Variants in DNAH5 observed in about 807,000 individuals in gnomAD.
DNAH5 encodes the protein dynein axonemal heavy chain 5, also known as axonemal beta dynein heavy chain 5.
DNAH5 carries 372 observed loss-of-function variants against 518.2 expected under a neutral mutation model. The ratio of observed to expected loss-of-function variants is 0.72; its 90% confidence interval spans 0.66 to 0.78. DNAH5 has a LOEUF of 0.78. Ranked by LOEUF, DNAH5 falls within the 30% of genes least tolerant of loss-of-function variation. The pLI is 0.00. For missense variants in DNAH5, 5,523 were observed against 5,687.0 expected, an observed-to-expected ratio of 0.97 and a Z score of 0.93; for synonymous variants, 2,039 against 2,025.9, an observed-to-expected ratio of 1.01 and a Z score of -0.17.
At chr5:13,887,244 T>A (rs1445894962) in intron 17 of DNAH5, among the ~76,000 whole-genome samples, 1 of 152,212 alleles carries the variant, frequency 6.6e-6, no homozygotes, top group Non-Finnish European at 1.5e-5. Context: ...TCCTTTGTAT[T>A]GAGGGTTCTA....
At chr5:13,743,287 T>C (rs944067979) in intron 65 of DNAH5, among the ~76,000 whole-genome samples, 1 of 152,028 alleles carries the variant, frequency 6.6e-6, no homozygotes, top group African/African-American at 2.4e-5. Flanking sequence ...AAAATTCTTA[T>C]ATAAACTGTG....
intron 16 of DNAH5, among the ~76,000 whole-genome samples, chr5:13,891,776 A>G (rs1580769609): frequency 6.6e-6 from 1 of 152,230 alleles, no homozygotes; most frequent in African/African-American, 2.4e-5. Flanking sequence ...CTTTCACTGT[A>G]AATATCATAG....
chr5:13,850,719 C>G lies in DNAH5; in HGVS notation c.5047G>C (p.Glu1683Gln). Residue 1683 changes from glutamate (E) to glutamine (Q), a missense_variant, in exon 31 of 79, where the codon GAG (glutamate) becomes CAG (glutamine). Physicochemically the swap from Glu to Gln is conservative, Grantham distance 29. This residue lies in a region of DNAH5 where 5,121 missense variants were observed against 5,223.3 expected (regional missense o/e 0.98). Coordinates refer to ENST00000265104, the MANE Select transcript of DNAH5 (RefSeq NM_001369.3). Reference sequence around the variant, plus strand: ...TGTGGTAACAGCTGCCCCAGGGTCTCATCTCCAACACAGCACTGGACTACA... The same window carrying G: ...TGTGGTAACAGCTGCCCCAGGGTCTGATCTCCAACACAGCACTGGACTACA... ...PSVVQCCVGD[E>Q]TLGQLLPHLL... 1 of 1,614,086 alleles carries G rather than the reference C, an allele frequency of 6.2e-7. No homozygotes were observed. Among genetic ancestry groups the G allele is most frequent in the Non-Finnish European group, 8.5e-7 (1 of 1,179,956 alleles).
chr5:13,726,770 G>T (rs1745798625), intron 70 of DNAH5, among the ~76,000 whole-genome samples: 1 of 152,318 alleles, frequency 6.6e-6, no homozygotes, highest in Non-Finnish European at 1.5e-5. Context: ...TCTGGAGAAT[G>T]AAGGAGAAAA....
intron 21 of DNAH5, among the ~76,000 whole-genome samples, chr5:13,879,657 C>T (rs966222382): frequency 6.0e-5 from 9 of 151,138 alleles, no homozygotes; most frequent in Non-Finnish European, 8.8e-5. Flanking sequence ...AATGATGTAA[C>T]TGAACACAAA....
intron 1 of DNAH5, among the ~76,000 whole-genome samples, chr5:13,999,849 C>T (rs182895): frequency 0.34 from 51,957 of 152,228 alleles, 9,788 homozygotes; most frequent in South Asian, 0.5. Context: ...ATCTTTCCAA[C>T]ACTTGCCCTT....
intron 1 of DNAH5, among the ~76,000 whole-genome samples, chr5:13,991,594 A>T (rs1783554812): frequency 6.9e-6 from 1 of 144,894 alleles, no homozygotes; most frequent in African/African-American, 2.6e-5. Flanking sequence ...GAGGAGGGGG[A>T]AGAGGAGGAG....
intron 47 of DNAH5, among the ~76,000 whole-genome samples, chr5:13,798,022 G>A (rs1056875723): frequency 6.7e-5 from 10 of 150,356 alleles, no homozygotes; most frequent in Middle Eastern, 3.4e-3. Flanking sequence ...CTTGCACACA[G>A]GGCGAGGAAC....
intron 17 of DNAH5, among the ~76,000 whole-genome samples, chr5:13,886,496 A>T (rs1178738319): frequency 6.6e-6 from 1 of 152,208 alleles, no homozygotes; most frequent in Non-Finnish European, 1.5e-5. Flanking sequence ...AACCATAGTC[A>T]TCCCCTCATT....
At position 13,836,294 on chromosome 5, in the gene DNAH5, G is replaced by A. The variant is rs578040050; in HGVS notation, c.5882+3062C>T. Among the ~76,000 whole-genome samples the A allele has an allele frequency of 3.9e-5, 6 of 152,306 alleles. No homozygotes were observed. In the East Asian group the frequency reaches 7.7e-4, roughly 20 times the overall value. The stretch of plus-strand genomic sequence containing the variant: ...AAATAGGTATGTGTGTCTGGAGTTT[G>A]GGAGAGAAGCCCTGGTTTGAGGCAG... On this transcript the variant is annotated intron_variant, in intron 35 of 78. Coordinates refer to ENST00000265104, the MANE Select transcript of DNAH5 (RefSeq NM_001369.3).
intron 1 of DNAH5, among the ~76,000 whole-genome samples, chr5:13,999,733 G>C (rs1327592983): frequency 6.6e-6 from 1 of 152,164 alleles, no homozygotes; most frequent in African/African-American, 2.4e-5. Context: ...TGGATCATCT[G>C]GTAGTGGTAT....
intron 35 of DNAH5, among the ~76,000 whole-genome samples, chr5:13,831,876 G>A (rs1233960762): frequency 6.6e-6 from 1 of 152,182 alleles, no homozygotes; most frequent in East Asian, 1.9e-4. Flanking sequence ...CTGGAAGGAA[G>A]CTACTGTTCC....
intron 27 of DNAH5, 44 bp from the exon 28 acceptor site, chr5:13,864,681 T>C (rs1248872947): frequency 6.2e-7 from 1 of 1,610,134 alleles, no homozygotes; most frequent in South Asian, 1.1e-5. Context: ...AATATGATGG[T>C]AGACATCACT....
At chr5:13,735,668 G>C (rs1433221120) in intron 67 of DNAH5, 150 bp downstream of exon 67, 1 of 740,070 alleles carries the variant, frequency 1.4e-6, no homozygotes, top group African/African-American at 1.8e-5. Context: ...AAATCAGAAT[G>C]ATTTGTTAAC....
intron 1 of DNAH5, among the ~76,000 whole-genome samples, chr5:13,967,298 T>G (rs1247775060): frequency 6.6e-6 from 1 of 152,240 alleles, no homozygotes; most frequent in Non-Finnish European, 1.5e-5. Flanking sequence ...TCTAGAATTT[T>G]TATGGCTTCA....
At position 13,885,158 on chromosome 5, in the gene DNAH5, C is replaced by T. The variant is rs772897677; in HGVS notation, c.2814G>A (p.Leu938=). The stretch of plus-strand genomic sequence containing the variant: ...CTTTCTTTTTCCTCGTGACTGTCGT[C>T]AAAAGCAGGGCATTGGCCCTGGCAT... ...SINARANALL[L]TTVTRKKKET... The change falls in exon 19 of 79, where the codon TTG becomes TTA. Residue 938 remains leucine, a synonymous_variant. Transcript: ENST00000265104. 6 of 1,614,058 alleles carry T rather than the reference C, an allele frequency of 3.7e-6. No homozygotes were observed. The African/African-American group carries it at 8.0e-5, about 22-fold the overall frequency.
rs1447956244 is a variant in DNAH5, at chr5:13,963,310, G to A, written c.13-32066C>T. ...ATAAATGACCTGGTCGGAAGCGGTGGCTCACGCCTATAATCCCAGCACTTT... is the reference window on the plus strand; with the variant it reads ...ATAAATGACCTGGTCGGAAGCGGTGACTCACGCCTATAATCCCAGCACTTT... On this transcript the variant is annotated intron_variant, in intron 1 of 78. Coordinates refer to the DNAH5 transcript ENST00000681290. Among the ~76,000 whole-genome samples, 3 of 151,630 alleles carry A rather than the reference G, an allele frequency of 2.0e-5. No individual in the cohort carries two copies. In the East Asian group the frequency reaches 5.8e-4, roughly 29 times the overall value.
intron 16 of DNAH5, among the ~76,000 whole-genome samples, chr5:13,893,865 G>C (rs573688778): frequency 2.6e-5 from 4 of 151,026 alleles, no homozygotes; most frequent in African/African-American, 9.7e-5. Flanking sequence ...AGAGGAGAGG[G>C]TGTAAGACAC....
At chr5:13,748,236 G>A (rs1159519832) in intron 65 of DNAH5, among the ~76,000 whole-genome samples, 4 of 152,056 alleles carry the variant, frequency 2.6e-5, no homozygotes, top group East Asian at 3.9e-4. Context: ...CCATTGGTCT[G>A]TATCTCTGTT....
Sources: gnomAD v4.1 joint callset for allele counts (sites outside exome capture counted in the v4.1 genomes callset) on GRCh38, gnomAD v4.1.1 for gene constraint, gnomAD v4.1.1 regional missense constraint, MANE v1.5 for transcripts, NCBI Gene and HGNC (gene_info 2026-07-23, HGNC 2026-07-21) for gene names.